Variants in MARCHF4 observed in about 807,000 individuals in gnomAD.
MARCHF4 encodes membrane associated ring-CH-type finger 4.
A neutral mutation model predicts 43.9 loss-of-function variants in MARCHF4; 14 were observed. The observed-to-expected ratio is 0.32, with a 90% CI of 0.21 to 0.50. The LOEUF is 0.50. Ranked by LOEUF, MARCHF4 falls within the 20% of genes least tolerant of loss-of-function variation. The pLI is 0.98. For missense variants in MARCHF4, 468 were observed against 536.7 expected, an observed-to-expected ratio of 0.87 and a Z score of 1.27; for synonymous variants, 226 against 213.3, an observed-to-expected ratio of 1.06 and a Z score of -0.52.
chr2:216,302,523 T>C (rs144564636), intron 1 of MARCHF4, among the ~76,000 whole-genome samples: 6,914 of 151,992 alleles, frequency 0.045, 509 homozygotes, highest in African/African-American at 0.16. Flanking sequence ...CCACTGCGCC[T>C]GGCTATTTTC....
intron 1 of MARCHF4, among the ~76,000 whole-genome samples, chr2:216,338,419 C>T (rs1692189439): frequency 6.6e-6 from 1 of 152,176 alleles, no homozygotes; most frequent in Non-Finnish European, 1.5e-5. Context: ...CCCAGCTCCA[C>T]GTAGCAACTG....
At chr2:216,268,925 C>T (rs1370469216) in intron 3 of MARCHF4, among the ~76,000 whole-genome samples, 3 of 152,116 alleles carry the variant, frequency 2.0e-5, no homozygotes, top group Non-Finnish European at 2.9e-5. Flanking sequence ...CCATCCTCTG[C>T]CTATTTGCTA....
chr2:216,334,658 C>G (rs1184360731), intron 1 of MARCHF4, among the ~76,000 whole-genome samples: 1 of 152,184 alleles, frequency 6.6e-6, no homozygotes, highest in Admixed American at 6.5e-5. Context: ...ACCTCAGCCT[C>G]CCAAAGCACT....
At chr2:216,336,066 TAAAAAA>T (rs34216672) in intron 1 of MARCHF4, among the ~76,000 whole-genome samples, 4 of 60,596 alleles carry the variant, frequency 6.6e-5, no homozygotes, top group Non-Finnish European at 9.1e-5. Context: ...AGACTCTGTC[TAAAAAA>T]AAAAAAAAAA....
intron 3 of MARCHF4, among the ~76,000 whole-genome samples, chr2:216,272,585 T>C (rs1315134867): frequency 2.6e-5 from 4 of 152,246 alleles, no homozygotes; most frequent in African/African-American, 9.6e-5. Context: ...TGCTCCACCA[T>C]TTTCTTAGCT....
chr2:216,365,688 G>A (rs183064795), intron 1 of MARCHF4, among the ~76,000 whole-genome samples: 33 of 152,266 alleles, frequency 2.2e-4, no homozygotes, highest in African/African-American at 7.0e-4. Context: ...CAAATTCCCC[G>A]ACTTGTCTTT....
intron 1 of MARCHF4, among the ~76,000 whole-genome samples, chr2:216,348,374 A>G (rs1692353009): frequency 1.3e-5 from 2 of 152,130 alleles, no homozygotes; most frequent in Non-Finnish European, 2.9e-5. Context: ...TGAGATAGGA[A>G]GTCAGCACAA....
At chr2:216,347,446 G>A (rs1029548816) in intron 1 of MARCHF4, among the ~76,000 whole-genome samples, 1 of 152,218 alleles carries the variant, frequency 6.6e-6, no homozygotes, top group Non-Finnish European at 1.5e-5. Context: ...GATGGTGGCA[G>A]TATAAACATC....
At chr2:216,304,705 A>G (rs1351381362) in intron 1 of MARCHF4, among the ~76,000 whole-genome samples, 1 of 152,154 alleles carries the variant, frequency 6.6e-6, no homozygotes, top group Non-Finnish European at 1.5e-5. Flanking sequence ...TGTAGAAAAC[A>G]TTCATAGGGA....
At chr2:216,293,947 T>C (rs1691352800) in intron 1 of MARCHF4, among the ~76,000 whole-genome samples, 1 of 126,934 alleles carries the variant, frequency 7.9e-6, no homozygotes, top group Non-Finnish European at 1.9e-5. Flanking sequence ...TAATATACTG[T>C]CCGTTTGTCT....
Position 216,370,263 on chromosome 2 carries a change from G to T in MARCHF4, c.-3C>A. 1 of 1,593,520 alleles carries T rather than the reference G, an allele frequency of 6.3e-7. No individual in the cohort carries two copies. The stretch of plus-strand genomic sequence containing the variant: ...AGCCCACACAGGGGCATCAGCATGT[G>T]CCCCGTGGAAGTAGAGAGCCCAAGA... On this transcript the variant is annotated 5_prime_UTR_variant, in exon 1 of 4. Coordinates refer to ENST00000273067, the MANE Select transcript of MARCHF4 (RefSeq NM_020814.3).
At chr2:216,277,648 A>C (rs748822554) in intron 3 of MARCHF4, 24 bp downstream of exon 3, 1 of 1,571,464 alleles carries the variant, frequency 6.4e-7, no homozygotes, top group East Asian at 2.3e-5. Flanking sequence ...CCCACTTCCC[A>C]TGGAGACAAA....
At position 216,342,976 on chromosome 2, in the gene MARCHF4, C is replaced by T. The variant is rs116154158; in HGVS notation, c.516+26769G>A. Among the ~76,000 whole-genome samples, 401 of 152,206 alleles carry T rather than the reference C, an allele frequency of 2.6e-3. 4 individuals are homozygous for T. Among genetic ancestry groups the T allele is most frequent in the African/African-American group, 9.4e-3 (391 of 41,528 alleles). ...GGGTGGGGCAGGCAGAAAGGACTGA[C>T]TGAGGAAGAAGCATGGGGACAGGAG... On this transcript the variant is annotated intron_variant, in intron 1 of 3. Coordinates refer to ENST00000273067, the MANE Select transcript of MARCHF4 (RefSeq NM_020814.3).
chr2:216,283,002 C>A (rs1691155329), intron 2 of MARCHF4, among the ~76,000 whole-genome samples: 1 of 152,152 alleles, frequency 6.6e-6, no homozygotes, highest in Non-Finnish European at 1.5e-5. Context: ...CTGCTCCAGA[C>A]CTATAGAATA....
At position 216,259,309 on chromosome 2, in the gene MARCHF4, C is replaced by A; in HGVS notation, c.*3G>T. On this transcript the variant is annotated 3_prime_UTR_variant, in exon 4 of 4. Coordinates refer to ENST00000273067, the MANE Select transcript of MARCHF4 (RefSeq NM_020814.3). Reference sequence around the variant, plus strand: ...TCATGGCCTTCCTTCCGGGCCTCTGCTCTCACACTGTCGTGACTCTCATGA... The same window carrying A: ...TCATGGCCTTCCTTCCGGGCCTCTGATCTCACACTGTCGTGACTCTCATGA... 1 of 1,530,240 alleles carries A rather than the reference C, an allele frequency of 6.5e-7. No homozygotes were observed. Among genetic ancestry groups the A allele is most frequent in the Non-Finnish European group, 8.8e-7 (1 of 1,136,964 alleles). 94.8% of individuals were successfully genotyped at this position (1,530,240 alleles called of 1,614,324 possible).
intron 1 of MARCHF4, among the ~76,000 whole-genome samples, chr2:216,348,095 T>TGGCGTGA (rs1301410820): frequency 6.8e-6 from 1 of 146,850 alleles, no homozygotes; most frequent in Non-Finnish European, 1.5e-5. Flanking sequence ...TGGAGTGCAA[T>TGGCGTGA]GGCGTGATCT....
At chr2:216,367,585 C>G (rs1018825665) in intron 1 of MARCHF4, among the ~76,000 whole-genome samples, 12 of 152,226 alleles carry the variant, frequency 7.9e-5, no homozygotes, top group Non-Finnish European at 4.4e-5. Context: ...ACCCCCAAAA[C>G]AAAATAATCA....
chr2:216,288,844 T>G (rs1691260989), intron 1 of MARCHF4, among the ~76,000 whole-genome samples: 1 of 151,924 alleles, frequency 6.6e-6, no homozygotes, highest in South Asian at 2.1e-4. Flanking sequence ...AGCAGCAGAT[T>G]TAGGAGAGCT....
intron 1 of MARCHF4, among the ~76,000 whole-genome samples, chr2:216,363,138 C>A (rs1248094088): frequency 6.6e-6 from 1 of 152,164 alleles, no homozygotes. Flanking sequence ...CTCTCCCAGC[C>A]TCTTCTGAAA....
Sources: gnomAD v4.1 joint callset for allele counts (sites outside exome capture counted in the v4.1 genomes callset) on GRCh38, gnomAD v4.1.1 for gene constraint, MANE v1.5 for transcripts, NCBI Gene and HGNC (gene_info 2026-07-23, HGNC 2026-07-21) for gene names.